ALG10B: variants seen among roughly 807,000 people sequenced by gnomAD.
ALG10B encodes the protein ALG10 alpha-1,2-glucosyltransferase B.
ALG10B carries 27 observed loss-of-function variants against 38.7 expected under a neutral mutation model. The observed-to-expected ratio is 0.70, with a 90% CI of 0.51 to 0.96. The LOEUF is 0.96. Ranked by LOEUF, ALG10B falls within the 40% of genes least tolerant of loss-of-function variation. ALG10B has a pLI of 0.00. For missense variants in ALG10B, 522 were observed against 542.7 expected (o/e 0.96, Z 0.38); for synonymous variants, 177 against 193.3 (o/e 0.92, Z 0.70).
chr12:38,320,328 A>T lies in ALG10B; in HGVS notation c.537A>T (p.Gly179=). ...YGNHKTSAFL[G]FCGFMFRQTN... ...ATCATAAAACTTCAGCCTTCCTTGG[A>T]TTTTGTGGCTTCATGTTTCGGCAAA... Residue 179 remains glycine (G), a synonymous_variant, in exon 3 of 3, where the codon GGA becomes GGT. Coordinates refer to ENST00000308742, the MANE Select transcript of ALG10B (RefSeq NM_001013620.4). The T allele has an allele frequency of 6.2e-7, 1 of 1,613,970 alleles. No individual in the cohort carries two copies. Among genetic ancestry groups the T allele is most frequent in the Non-Finnish European group, 8.5e-7 (1 of 1,179,964 alleles).
rs760303306 is a variant in ALG10B at position 38,320,660 on chromosome 12, A to G, written c.869A>G (p.Gln290Arg). The G allele has an allele frequency of 1.3e-5, 21 of 1,613,550 alleles. No homozygotes were observed. Among genetic ancestry groups the G allele is most frequent in the Non-Finnish European group, 1.8e-5 (21 of 1,179,874 alleles). ...SSHEACLHFP[Q>R]LFYFFSFTLF... Reference sequence around the variant, plus strand: ...CATGAAGCCTGTCTTCATTTTCCTCAACTATTCTACTTTTTTTCATTTACT... The same window carrying G: ...CATGAAGCCTGTCTTCATTTTCCTCGACTATTCTACTTTTTTTCATTTACT... The change falls in exon 3 of 3, where the codon CAA (glutamine) becomes CGA (arginine). Residue 290 changes from glutamine to arginine, a missense_variant. Transcript: ENST00000308742.
chr12:38,316,987 C>T lies in ALG10B; in HGVS notation c.94C>T (p.Arg32Ter). 6.2e-7 allele frequency: 1 copy of T among 1,614,116 alleles called. No homozygotes were observed. Among genetic ancestry groups the T allele is most frequent in the Non-Finnish European group, 8.5e-7 (1 of 1,180,024 alleles). Reference sequence around the variant, plus strand: ...CTTCTCCGCCTTCAGCCGGGCGCTGCGAGAGCCCTACATGGACGAGATCTT... The same window carrying T: ...CTTCTCCGCCTTCAGCCGGGCGCTGTGAGAGCCCTACATGGACGAGATCTT... ...LLFSAFSRAL[R>*]EPYMDEIFHL... The change falls in exon 1 of 3, where the codon CGA becomes TGA. Residue 32 changes from arginine to a stop codon, truncating the protein, a stop_gained. Coordinates refer to ENST00000308742, the MANE Select transcript of ALG10B (RefSeq NM_001013620.4). LOFTEE classifies it high-confidence loss of function.
At position 38,320,613 on chromosome 12, in the gene ALG10B, T is replaced by C. The variant is rs1945694156; in HGVS notation, c.822T>C (p.Ile274=). The C allele has an allele frequency of 6.2e-7, 1 of 1,613,950 alleles. No homozygotes were observed. ...FCAFVVVNGG[I]VIGDRSSHEA... The stretch of plus-strand genomic sequence containing the variant: ...CTTTTGTAGTAGTTAATGGTGGAAT[T>C]GTTATTGGCGATCGGAGTAGTCATG... The change falls in exon 3 of 3, where the codon ATT becomes ATC. Residue 274 remains isoleucine, a synonymous_variant. Coordinates refer to ENST00000308742, the MANE Select transcript of ALG10B (RefSeq NM_001013620.4).
chr12:38,319,305 C>T (rs1004563748), intron 2 of ALG10B, among the ~76,000 whole-genome samples: 1 of 151,942 alleles, frequency 6.6e-6, no homozygotes, highest in Non-Finnish European at 1.5e-5. Flanking sequence ...GGGAGACAAA[C>T]AGCATAAGCA....
In ALG10B at chr12:38,323,825, C is replaced by A; in HGVS notation, c.*2612C>A. ...AATTTACTATAGTGGAGAACTAAAT[C>A]TGGGAAGTCAAAATTGAAAAAAGAA... is the stretch of plus-strand genomic sequence containing the variant. On this transcript the variant is annotated 3_prime_UTR_variant, in exon 3 of 3. Transcript: ENST00000308742. 1 of 695,974 alleles carries A rather than the reference C, an allele frequency of 1.4e-6. No individual in the cohort carries two copies. Among genetic ancestry groups the A allele is most frequent in the South Asian group, 1.5e-5 (1 of 66,126 alleles). 43.1% of individuals were successfully genotyped at this position (695,974 alleles called of 1,614,324 possible). A position where few individuals can be genotyped will look rare whatever the true frequency, so the allele number is the denominator to read the frequency against.
In ALG10B at chr12:38,320,683, A is replaced by G; in HGVS notation, c.892A>G (p.Thr298Ala). The change falls in exon 3 of 3, where the codon ACT becomes GCT. Residue 298 changes from threonine to alanine, a missense_variant. Transcript: ENST00000308742. ...TCAACTATTCTACTTTTTTTCATTT[A>G]CTCTCTTTTTTTCTTTTCCTCATCT... is the stretch of plus-strand genomic sequence containing the variant. ...FPQLFYFFSF[T>A]LFFSFPHLLS... is the part of the protein sequence containing the mutation. 6.2e-7 allele frequency: 1 copy of G among 1,612,160 alleles called. No individual in the cohort carries two copies. Among genetic ancestry groups the G allele is most frequent in the South Asian group, 1.1e-5 (1 of 90,914 alleles).
rs1000564781 is a variant in ALG10B, at chr12:38,324,833, T to C, written c.*3620T>C. On this transcript the variant is annotated 3_prime_UTR_variant, in exon 3 of 3. Transcript: ENST00000308742. The stretch of plus-strand genomic sequence containing the variant: ...AGATAGATATTTTTTCATGAATTTT[T>C]AAACATTAGACTTAGCTGAATTGAT... 6 of 152,214 alleles carry C rather than the reference T, an allele frequency of 3.9e-5. No homozygotes were observed. Among genetic ancestry groups the C allele is most frequent in the African/African-American group, 1.4e-4 (6 of 41,462 alleles). The allele number at this position is 152,214 out of a possible 1,614,324, so 9.4% of individuals were successfully genotyped here.
rs1385503003 is a variant in ALG10B, at chr12:38,328,561, C to T, written c.*7348C>T. 1 of 152,018 alleles carries T rather than the reference C, an allele frequency of 6.6e-6. No homozygotes were observed. Among genetic ancestry groups the T allele is most frequent in the African/African-American group, 2.4e-5 (1 of 41,398 alleles). 9.4% of individuals were successfully genotyped at this position (152,018 alleles called of 1,614,324 possible). ...GTGTTGTAGTTAAACTTTTATTAGT[C>T]TGAATTAAACTCTTTTATAGTGTTT... is the stretch of plus-strand genomic sequence containing the variant. On this transcript the variant is annotated 3_prime_UTR_variant, in exon 3 of 3. Coordinates refer to ENST00000308742, the MANE Select transcript of ALG10B (RefSeq NM_001013620.4).
At chr12:38,320,094 T>C in intron 2 of ALG10B, 67 bp from the exon 3 acceptor site, 1 of 1,585,162 alleles carries the variant, frequency 6.3e-7, no homozygotes, top group Non-Finnish European at 8.7e-7. Context: ...ATAAATCTCT[T>C]CATTAGGTAA....
In ALG10B at chr12:38,328,502, T is replaced by A. The variant is rs1945764995; in HGVS notation, c.*7289T>A. 6.6e-6 allele frequency: 1 copy of A among 152,140 alleles called. No homozygotes were observed. The highest frequency in any genetic ancestry group is 1.5e-5 in the Non-Finnish European group (1 of 67,992). The allele number at this position is 152,140 out of a possible 1,614,324, so 9.4% of individuals were successfully genotyped here. A position where few individuals can be genotyped will look rare whatever the true frequency, so the allele number is the denominator to read the frequency against. On this transcript the variant is annotated 3_prime_UTR_variant, in exon 3 of 3. Coordinates refer to ENST00000308742, the MANE Select transcript of ALG10B (RefSeq NM_001013620.4). ...ACTATCTGTAAAAATTTTTAAGGTG[T>A]CCACTAGGTGGAGATATTGTGCTAC...
At position 38,326,712 on chromosome 12, in the gene ALG10B, A is replaced by C. The variant is rs1276286228; in HGVS notation, c.*5499A>C. On this transcript the variant is annotated 3_prime_UTR_variant, in exon 3 of 3. Coordinates refer to ENST00000308742, the MANE Select transcript of ALG10B (RefSeq NM_001013620.4). ...CTGTTAATTATTTTTTATATAGGGCATTTTTATGTATTTAATGTTGACAAC... is the reference window on the plus strand; with the variant it reads ...CTGTTAATTATTTTTTATATAGGGCCTTTTTATGTATTTAATGTTGACAAC... The C allele has an allele frequency of 6.6e-6, 1 of 151,846 alleles. No homozygotes were observed. The highest frequency in any genetic ancestry group is 1.9e-4 in the East Asian group (1 of 5,194). 9.4% of individuals were successfully genotyped at this position (151,846 alleles called of 1,614,324 possible).
Position 38,320,858 on chromosome 12 carries a change from T to C in ALG10B, c.1067T>C (p.Phe356Ser), listed in dbSNP as rs1945697436. 1.9e-6 allele frequency: 3 copies of C among 1,613,274 alleles called. No individual in the cohort carries two copies. Among genetic ancestry groups the C allele is most frequent in the African/African-American group, 2.7e-5 (2 of 74,852 alleles). The change falls in exon 3 of 3, where the codon TTC becomes TCC. Residue 356 changes from phenylalanine to serine, a missense_variant. Coordinates refer to ENST00000308742, the MANE Select transcript of ALG10B (RefSeq NM_001013620.4). ...YLLADNRHYT[F>S]YVWKRVFQRY... is the part of the protein sequence containing the mutation. ...CTAGCAGACAATAGACATTATACTTTCTATGTGTGGAAAAGAGTTTTTCAA... is the reference window on the plus strand; with the variant it reads ...CTAGCAGACAATAGACATTATACTTCCTATGTGTGGAAAAGAGTTTTTCAA...
In ALG10B at chr12:38,325,950, C is replaced by T. The variant is rs184553873; in HGVS notation, c.*4737C>T. 65 of 152,020 alleles carry T rather than the reference C, an allele frequency of 4.3e-4. No individual in the cohort carries two copies. In the East Asian group the frequency reaches 0.01, roughly 24 times the overall value. The allele number at this position is 152,020 out of a possible 1,614,324, so 9.4% of individuals were successfully genotyped here. Reference sequence around the variant, plus strand: ...GAGTGAAGTGAATAGAAAAAACATCCTACATAACCGTGGCTAATTTTAGGA... The same window carrying T: ...GAGTGAAGTGAATAGAAAAAACATCTTACATAACCGTGGCTAATTTTAGGA... On this transcript the variant is annotated 3_prime_UTR_variant, in exon 3 of 3. Transcript: ENST00000308742.
At chr12:38,316,698 A>C, upstream of ALG10B, 1 of 846,330 alleles carries the variant, frequency 1.2e-6, no homozygotes. Context: ...CCGTTATCTA[A>C]ACCCGTCACT....
rs1166285870 is a variant in ALG10B, at chr12:38,327,335, G to A, written c.*6122G>A. On this transcript the variant is annotated 3_prime_UTR_variant, in exon 3 of 3. Coordinates refer to ENST00000308742, the MANE Select transcript of ALG10B (RefSeq NM_001013620.4). ...GTTTAGTTGAACCATATATGTGTGT[G>A]TATGGCATATATAAGATGAAAAAAG... 1.3e-5 allele frequency: 2 copies of A among 151,976 alleles called. No individual in the cohort carries two copies. Among genetic ancestry groups the A allele is most frequent in the African/African-American group, 4.8e-5 (2 of 41,340 alleles). The allele number at this position is 151,976 out of a possible 1,614,324, so 9.4% of individuals were successfully genotyped here. A position where few individuals can be genotyped will look rare whatever the true frequency, so the allele number is the denominator to read the frequency against.
rs937048499 is a variant in ALG10B at position 38,328,935 on chromosome 12, C to A, written c.*7722C>A. On this transcript the variant is annotated 3_prime_UTR_variant, in exon 3 of 3. Coordinates refer to ENST00000308742, the MANE Select transcript of ALG10B (RefSeq NM_001013620.4). ...AACTCTATGAGATCAGTACCGTACACATGGGGAAACTTAGTATAGAGAGGT... is the reference window on the plus strand; with the variant it reads ...AACTCTATGAGATCAGTACCGTACAAATGGGGAAACTTAGTATAGAGAGGT... 4 of 333,942 alleles carry A rather than the reference C, an allele frequency of 1.2e-5. No individual in the cohort carries two copies. The Admixed American group carries it at 1.9e-4, about 16-fold the overall frequency. 20.7% of individuals were successfully genotyped at this position (333,942 alleles called of 1,614,324 possible).
rs189956438 is a variant in ALG10B, at chr12:38,328,344, A to G, written c.*7131A>G. Reference sequence around the variant, plus strand: ...CATTTGAGTTATACAACTTACTAAAATGTATTTTAGCGGTGATGTTTTGGA... The same window carrying G: ...CATTTGAGTTATACAACTTACTAAAGTGTATTTTAGCGGTGATGTTTTGGA... On this transcript the variant is annotated 3_prime_UTR_variant, in exon 3 of 3. Coordinates refer to ENST00000308742, the MANE Select transcript of ALG10B (RefSeq NM_001013620.4). 6.6e-6 allele frequency: 1 copy of G among 152,272 alleles called. No homozygotes were observed. The highest frequency in any genetic ancestry group is 1.9e-4 in the East Asian group (1 of 5,188). 9.4% of individuals were successfully genotyped at this position (152,272 alleles called of 1,614,324 possible).
intron 1 of ALG10B, 183 bp downstream of exon 1, chr12:38,317,247 A>G (rs1388321592): frequency 2.3e-6 from 2 of 854,928 alleles, no homozygotes; most frequent in African/African-American, 3.4e-5. Flanking sequence ...TTATTAAATG[A>G]ATGAATAAAC....
In ALG10B at chr12:38,318,304, C is replaced by T; in HGVS notation, c.215C>T (p.Ser72Leu). 6.2e-7 allele frequency: 1 copy of T among 1,614,112 alleles called. No individual in the cohort carries two copies. Among genetic ancestry groups the T allele is most frequent in the Non-Finnish European group, 8.5e-7 (1 of 1,180,008 alleles). The change falls in exon 2 of 3, where the codon TCA becomes TTA. Residue 72 changes from serine to leucine, a missense_variant. Physicochemically the swap from Ser to Leu is moderately radical, Grantham distance 145. Transcript: ENST00000308742. Reference protein sequence around the residue: ...ITTLPGLYLVSVGVVKPAIWI... With the variant: ...ITTLPGLYLVLVGVVKPAIWI... Reference sequence around the variant, plus strand: ...ACATTACCTGGCTTGTACCTGGTGTCAGTTGGAGTGGTCAAACCTGCCATT... The same window carrying T: ...ACATTACCTGGCTTGTACCTGGTGTTAGTTGGAGTGGTCAAACCTGCCATT...
Sources: gnomAD v4.1 joint callset for allele counts (sites outside exome capture counted in the v4.1 genomes callset) on GRCh38, gnomAD v4.1.1 for gene constraint, MANE v1.5 for transcripts, NCBI Gene and HGNC (gene_info 2026-07-23, HGNC 2026-07-21) for gene names.